Variants in ABLIM2 observed in about 807,000 individuals in gnomAD.
The protein encoded by ABLIM2 is actin-binding LIM protein 2.
In ABLIM2, 53 loss-of-function variants were observed where a neutral mutation model predicts 97.7. The observed-to-expected ratio is 0.54, with a 90% CI of 0.44 to 0.68. The LOEUF (loss-of-function observed/expected upper bound fraction) is 0.68. Among genes scored for constraint, ABLIM2 ranks in the 30% least tolerant of loss-of-function variants. The pLI, the probability that ABLIM2 is intolerant of heterozygous loss-of-function variation, is 0.00. For synonymous variants in ABLIM2, 361 were observed against 345.8 expected (o/e 1.04, Z -0.49); for missense variants, 835 against 867.2 (o/e 0.96, Z 0.47).
At chr4:8,151,998 G>A (rs887430529) in intron 1 of ABLIM2, among the ~76,000 whole-genome samples, 3 of 152,152 alleles carry the variant, frequency 2.0e-5, no homozygotes, top group Non-Finnish European at 4.4e-5. Flanking sequence ...AACCCCCATA[G>A]GAGGCGGGTT....
rs142271391 is a variant in ABLIM2, at chr4:8,082,242, G to A, written c.455-1440C>T. On this transcript the variant is annotated intron_variant, in intron 4 of 20. Coordinates refer to ENST00000447017, the MANE Select transcript of ABLIM2 (RefSeq NM_001130083.2). This position sits in a 1 kb window ranked among gnomAD's most constrained non-coding sequence, Gnocchi z 5.6. ...TGGAAAGAAGGTGGCCCCAGGGCCCGACGTGCTGGGTACAAATCCTGGCCC... is the reference window on the plus strand; with the variant it reads ...TGGAAAGAAGGTGGCCCCAGGGCCCAACGTGCTGGGTACAAATCCTGGCCC... Among the ~76,000 whole-genome samples, 724 of 152,268 alleles carry A rather than the reference G, an allele frequency of 4.8e-3. 6 individuals are homozygous for A. The highest frequency in any genetic ancestry group is 0.016 in the African/African-American group (674 of 41,546).
chr4:8,048,101 C>T (rs1364412557), intron 8 of ABLIM2, among the ~76,000 whole-genome samples: 2 of 152,174 alleles, frequency 1.3e-5, no homozygotes, highest in South Asian at 2.1e-4. Context: ...GGGGTCTAGG[C>T]GGGGCAGCCA....
rs1322849438 is a variant in ABLIM2, at chr4:8,067,073, G to C, written c.676-6019C>G. On this transcript the variant is annotated intron_variant, in intron 6 of 20. Transcript: ENST00000447017. This position sits in a 1 kb window ranked among gnomAD's most constrained non-coding sequence, Gnocchi z 5.4. The stretch of plus-strand genomic sequence containing the variant: ...CTTGTTTTCCAGAGGAGGAGGTCGA[G>C]GCTCAGAGAGGCGAGGGGGGCCTAC... 6.6e-6 allele frequency: 1 copy of C among 152,206 alleles called. No individual in the cohort carries two copies. Among genetic ancestry groups the C allele is most frequent in the Non-Finnish European group, 1.5e-5 (1 of 68,086 alleles). The allele number at this position is 152,206 out of a possible 1,614,324, so 9.4% of individuals were successfully genotyped here. A position where few individuals can be genotyped will look rare whatever the true frequency, so the allele number is the denominator to read the frequency against.
chr4:8,053,815 CCT>C (rs969519252), intron 8 of ABLIM2, among the ~76,000 whole-genome samples: 5 of 152,002 alleles, frequency 3.3e-5, no homozygotes, highest in African/African-American at 1.2e-4. Flanking sequence ...GCCCCTTTTT[CCT>C]CTTTGTTCAT....
intron 1 of ABLIM2, among the ~76,000 whole-genome samples, chr4:8,107,776 C>T (rs1344914515): frequency 6.6e-6 from 1 of 152,188 alleles, no homozygotes; most frequent in Non-Finnish European, 1.5e-5. Flanking sequence ...GCAGTTGTGA[C>T]TAAGTTAAGG....
intron 1 of ABLIM2, among the ~76,000 whole-genome samples, chr4:8,144,724 G>A (rs1851520285): frequency 6.6e-6 from 1 of 152,216 alleles, no homozygotes; most frequent in South Asian, 2.1e-4. Flanking sequence ...GGTGTGAAGA[G>A]GACTCACAGA....
At position 8,156,926 on chromosome 4, in the gene ABLIM2, G is replaced by A. The variant is rs116127919; in HGVS notation, c.10+1754C>T. Among the ~76,000 whole-genome samples the A allele has an allele frequency of 9.5e-3, 1,444 of 152,324 alleles. 19 individuals are homozygous for A. The highest frequency in any genetic ancestry group is 0.033 in the African/African-American group (1,361 of 41,562). On this transcript the variant is annotated intron_variant, in intron 1 of 20. Coordinates refer to ENST00000447017, the MANE Select transcript of ABLIM2 (RefSeq NM_001130083.2). ...GCTGGGCAGGGGCGACAGGTGGCCC[G>A]GAGAGCACACATTGCCAGTTCCAAA...
At chr4:8,152,542 T>G (rs1162228353) in intron 1 of ABLIM2, among the ~76,000 whole-genome samples, 1 of 152,232 alleles carries the variant, frequency 6.6e-6, no homozygotes, top group East Asian at 1.9e-4. Flanking sequence ...CTAGACACCC[T>G]GAGCAGCCCT....
chr4:8,049,014 C>A (rs1464687488), intron 8 of ABLIM2, among the ~76,000 whole-genome samples: 1 of 152,216 alleles, frequency 6.6e-6, no homozygotes, highest in African/African-American at 2.4e-5. Context: ...CCACCCAGAG[C>A]CAGAACCAGA....
At chr4:8,145,119 G>A (rs768297985) in intron 1 of ABLIM2, among the ~76,000 whole-genome samples, 72 of 152,062 alleles carry the variant, frequency 4.7e-4, no homozygotes, top group Non-Finnish European at 1.0e-4. Context: ...TTGTGGTGTC[G>A]GAGATCAATC....
At chr4:8,101,557 C>G (rs1834641364) in intron 2 of ABLIM2, among the ~76,000 whole-genome samples, 4 of 152,248 alleles carry the variant, frequency 2.6e-5, no homozygotes, top group Admixed American at 2.0e-4. Context: ...ATGGATGCAT[C>G]CTCAGGGACA....
chr4:8,008,645 G>A (rs998097599), intron 15 of ABLIM2, among the ~76,000 whole-genome samples: 6 of 152,238 alleles, frequency 3.9e-5, no homozygotes, highest in Admixed American at 1.3e-4. Context: ...CCTGGCTCCG[G>A]CTGCGTTCAC....
rs1851957504 is a variant in ABLIM2 at position 8,147,277 on chromosome 4, C to G, written c.10+11403G>C. 6.6e-6 allele frequency among the ~76,000 whole-genome samples: 1 copy of G among 152,108 alleles called. No individual in the cohort carries two copies. Among genetic ancestry groups the G allele is most frequent in the Non-Finnish European group, 1.5e-5 (1 of 68,014 alleles). ...ACATTTTTTTTATCCTATGAGAAGT[C>G]ATTCTCACTCTCTCATCCATCCTAG... On this transcript the variant is annotated intron_variant, in intron 1 of 20. Coordinates refer to ENST00000447017, the MANE Select transcript of ABLIM2 (RefSeq NM_001130083.2). This position sits in a 1 kb window ranked among gnomAD's most constrained non-coding sequence, Gnocchi z 5.3.
Position 8,085,982 on chromosome 4 carries a change from A to G in ABLIM2, c.454+2187T>C, listed in dbSNP as rs539792136. On this transcript the variant is annotated intron_variant, in intron 4 of 20. Coordinates refer to ENST00000447017, the MANE Select transcript of ABLIM2 (RefSeq NM_001130083.2). This position sits in a 1 kb window ranked among gnomAD's most constrained non-coding sequence, Gnocchi z 6.1. ...CACCCACCCCTGCCAGGTACAGGGC[A>G]CTCCTGCACCTGCAGAAGAGCTCCT... Among the ~76,000 whole-genome samples the G allele has an allele frequency of 2.0e-5, 3 of 152,164 alleles. No homozygotes were observed. Among genetic ancestry groups the G allele is most frequent in the African/African-American group, 7.2e-5 (3 of 41,496 alleles).
rs1466548304 is a variant in ABLIM2 at position 8,124,624 on chromosome 4, C to T, written c.11-17987G>A. Among the ~76,000 whole-genome samples the T allele has an allele frequency of 6.6e-6, 1 of 152,226 alleles. No individual in the cohort carries two copies. Among genetic ancestry groups the T allele is most frequent in the Non-Finnish European group, 1.5e-5 (1 of 68,042 alleles). On this transcript the variant is annotated intron_variant, in intron 1 of 20. Transcript: ENST00000447017. This position sits in a 1 kb window ranked among gnomAD's most constrained non-coding sequence, Gnocchi z 6.1. ...GATGGCTGAGAAATATTCCGTTGTA[C>T]AGACAGACCCTATTTGGCTCATCCA...
chr4:8,124,385 C>CA lies in ABLIM2; in HGVS notation c.11-17749dup, dbSNP rs772024600. Among the ~76,000 whole-genome samples, 1 of 152,288 alleles carries CA rather than the reference C, an allele frequency of 6.6e-6. No individual in the cohort carries two copies. The highest frequency in any genetic ancestry group is 1.9e-4 in the East Asian group (1 of 5,186). Reference sequence around the variant, plus strand: ...CCATTTTAGAAAATTTCCATCACCCCAAAAAGAAATGCTGCATCCTTTACT... The same window carrying CA: ...CCATTTTAGAAAATTTCCATCACCCCAAAAAAGAAATGCTGCATCCTTTACT... On this transcript the variant is annotated intron_variant, in intron 1 of 20. Coordinates refer to ENST00000447017, the MANE Select transcript of ABLIM2 (RefSeq NM_001130083.2). This position sits in a 1 kb window ranked among gnomAD's most constrained non-coding sequence, Gnocchi z 6.1.
intron 1 of ABLIM2, among the ~76,000 whole-genome samples, chr4:8,135,619 C>A (rs550357818): frequency 6.6e-6 from 1 of 152,360 alleles, no homozygotes; most frequent in African/African-American, 2.4e-5. Context: ...TCATCTGGGA[C>A]CTCCAGCCTC....
chr4:8,001,847 T>C lies in ABLIM2; in HGVS notation c.1618+6212A>G, dbSNP rs1757416206. ...TGGCTTTCTCCCTCCTGGGCGCTCC[T>C]CCCCACTTCCTCTGTGGAATCTCCT... On this transcript the variant is annotated intron_variant, in intron 16 of 20. Transcript: ENST00000447017. This position sits in a 1 kb window ranked among gnomAD's most constrained non-coding sequence, Gnocchi z 4.2. Among the ~76,000 whole-genome samples, 1 of 152,122 alleles carries C rather than the reference T, an allele frequency of 6.6e-6. No homozygotes were observed. The highest frequency in any genetic ancestry group is 6.5e-5 in the Admixed American group (1 of 15,272).
intron 16 of ABLIM2, among the ~76,000 whole-genome samples, chr4:8,006,817 C>A (rs1761680032): frequency 6.6e-6 from 1 of 152,226 alleles, no homozygotes; most frequent in Non-Finnish European, 1.5e-5. Context: ...GTGGGCAGTT[C>A]CTCCGGAAGG....
Sources: allele counts gnomAD v4.1 joint callset (sites outside exome capture counted in the v4.1 genomes callset), GRCh38; gene constraint gnomAD v4.1.1; non-coding constraint Gnocchi (gnomAD v3.1); transcripts MANE v1.5; gene names NCBI Gene and HGNC (gene_info 2026-07-23, HGNC 2026-07-21).